SPIN1: variants seen among roughly 807,000 people sequenced by gnomAD.
SPIN1 encodes the protein spindlin-1.
A neutral mutation model predicts 26.0 loss-of-function variants in SPIN1; 3 were observed. The observed-to-expected ratio is 0.12, with a 90% CI of 0.05 to 0.30. SPIN1 has a LOEUF of 0.30. SPIN1 is among the 10% of genes least tolerant of loss of function. The pLI is 1.00. For synonymous variants in SPIN1, 101 were observed against 116.5 expected, an observed-to-expected ratio of 0.87 and a Z score of 0.86; for missense variants, 126 against 333.4, an observed-to-expected ratio of 0.38 and a Z score of 4.84.
In SPIN1 at chr9:88,448,927, C is replaced by G. The variant is rs576894397; in HGVS notation, c.53-14C>G. ...ATCTGGTTTTCATTGACTATATACTCATCTCTCTTACAGGCCATGCTGGAG... is the reference window on the plus strand; with the variant it reads ...ATCTGGTTTTCATTGACTATATACTGATCTCTCTTACAGGCCATGCTGGAG... On this transcript the variant is annotated splice_polypyrimidine_tract_variant and intron_variant, in intron 2 of 5. Transcript: ENST00000375859. The G allele has an allele frequency of 1.2e-6, 2 of 1,612,738 alleles. No individual in the cohort carries two copies. The highest frequency in any genetic ancestry group is 2.2e-5 in the South Asian group (2 of 90,972).
chr9:88,428,356 G>A (rs749933228), intron 2 of SPIN1, among the ~76,000 whole-genome samples: 26 of 152,026 alleles, frequency 1.7e-4, no homozygotes, highest in Non-Finnish European at 3.7e-4. Context: ...TAGAGTCCCC[G>A]GTGTTGATAG....
At chr9:88,417,329 T>A (rs1827587801) in intron 1 of SPIN1, among the ~76,000 whole-genome samples, 1 of 152,226 alleles carries the variant, frequency 6.6e-6, no homozygotes, top group South Asian at 2.1e-4. Context: ...ACATTATCTG[T>A]GTCTCATTTT....
intron 3 of SPIN1, chr9:88,457,786 A>G (rs1828499353): frequency 2.1e-6 from 2 of 947,014 alleles, no homozygotes. Context: ...AAGAATTACC[A>G]GAGGATGTAT....
intron 1 of SPIN1, among the ~76,000 whole-genome samples, chr9:88,403,845 A>G (rs1437991886): frequency 6.6e-6 from 1 of 152,182 alleles, no homozygotes; most frequent in Non-Finnish European, 1.5e-5. Flanking sequence ...TGTGTAGGGT[A>G]TATCCTTTTT....
At chr9:88,413,929 C>T (rs746116716) in intron 1 of SPIN1, among the ~76,000 whole-genome samples, 4 of 151,898 alleles carry the variant, frequency 2.6e-5, no homozygotes, top group Non-Finnish European at 4.4e-5. Flanking sequence ...TTATTTCTGA[C>T]CAAGTACAAA....
At position 88,407,847 on chromosome 9, in the gene SPIN1, A is replaced by G. The variant is rs369456611; in HGVS notation, c.-158-18535A>G. Among the ~76,000 whole-genome samples, 12 of 148,782 alleles carry G rather than the reference A, an allele frequency of 8.1e-5. No individual in the cohort carries two copies. The East Asian group carries it at 1.2e-3, about 15-fold the overall frequency. On this transcript the variant is annotated intron_variant, in intron 1 of 5. Coordinates refer to ENST00000375859, the MANE Select transcript of SPIN1 (RefSeq NM_006717.3). ...ATGATCTCGACTCACTGCACCCTCC[A>G]CCTCCCAGGCTCAAATGATCCTCCT...
chr9:88,461,341 A>G (rs1342724043), intron 3 of SPIN1, among the ~76,000 whole-genome samples: 2 of 152,122 alleles, frequency 1.3e-5, no homozygotes, highest in Non-Finnish European at 2.9e-5. Context: ...ATCTCCTCCC[A>G]GTCTCCTTGG....
At position 88,394,494 on chromosome 9, in the gene SPIN1, C is replaced by G. The variant is rs367778301; in HGVS notation, c.-159+5956C>G. 6.4e-4 allele frequency among the ~76,000 whole-genome samples: 97 copies of G among 152,190 alleles called. 1 individual carries two copies. Among genetic ancestry groups the G allele is most frequent in the Non-Finnish European group, 1.8e-4 (12 of 68,040 alleles). ...GGTATTTCCAGTTCGAATTTAACAT[C>G]ACAGAGTTTTTACTATGAGCTTATC... On this transcript the variant is annotated intron_variant, in intron 1 of 5. Transcript: ENST00000375859.
At chr9:88,438,023 C>T (rs879660894) in intron 2 of SPIN1, among the ~76,000 whole-genome samples, 17 of 151,778 alleles carry the variant, frequency 1.1e-4, no homozygotes, top group South Asian at 2.1e-4. Flanking sequence ...TGGTGATGCG[C>T]GCCTGTAATC....
At chr9:88,422,813 G>GA (rs1318836855) in intron 1 of SPIN1, among the ~76,000 whole-genome samples, 15 of 151,796 alleles carry the variant, frequency 9.9e-5, no homozygotes, top group Non-Finnish European at 2.1e-4. Context: ...GGGTTCAGGC[G>GA]ATTCTCCTGC....
At chr9:88,393,789 T>C (rs576768075) in intron 1 of SPIN1, among the ~76,000 whole-genome samples, 1 of 152,094 alleles carries the variant, frequency 6.6e-6, no homozygotes, top group Non-Finnish European at 1.5e-5. Flanking sequence ...TGAATTACTT[T>C]TTTCTTTCTC....
chr9:88,427,403 A>T (rs1271291014), intron 2 of SPIN1, among the ~76,000 whole-genome samples: 2 of 152,112 alleles, frequency 1.3e-5, no homozygotes, highest in African/African-American at 2.4e-5. Context: ...CTTCTCTTTT[A>T]TAAAGATAAT....
At chr9:88,428,799 G>C (rs542698325) in intron 2 of SPIN1, among the ~76,000 whole-genome samples, 2 of 152,282 alleles carry the variant, frequency 1.3e-5, no homozygotes, top group African/African-American at 4.8e-5. Context: ...TTTAGCATAA[G>C]AGTCCGTGAG....
intron 1 of SPIN1, among the ~76,000 whole-genome samples, chr9:88,416,410 CA>C (rs1331936008): frequency 2.6e-5 from 4 of 152,214 alleles, no homozygotes; most frequent in African/African-American, 4.8e-5. Context: ...TCTGCAGCAT[CA>C]AATTCTTGGG....
chr9:88,443,967 T>G (rs1828191605), intron 2 of SPIN1, among the ~76,000 whole-genome samples: 2 of 151,968 alleles, frequency 1.3e-5, no homozygotes, highest in Admixed American at 6.6e-5. Flanking sequence ...CAGTTTAGGT[T>G]TTCTTACCAT....
chr9:88,423,546 C>G (rs990683575), intron 1 of SPIN1, among the ~76,000 whole-genome samples: 1 of 151,936 alleles, frequency 6.6e-6, no homozygotes, highest in African/African-American at 2.4e-5. Context: ...TCAAGCAGTT[C>G]TCCTGCCTCA....
rs113207881 is a variant in SPIN1, at chr9:88,444,962, G to A, written c.53-3979G>A. 3.4e-3 allele frequency among the ~76,000 whole-genome samples: 524 copies of A among 152,286 alleles called. 1 individual carries two copies. Among genetic ancestry groups the A allele is most frequent in the Middle Eastern group, 0.014 (4 of 294 alleles). ...GCCCGCCTCGGCCTCCCAAAGTGCTGGGATTACAGGCGTGAGCCACGCGCC... is the reference window on the plus strand; with the variant it reads ...GCCCGCCTCGGCCTCCCAAAGTGCTAGGATTACAGGCGTGAGCCACGCGCC... On this transcript the variant is annotated intron_variant, in intron 2 of 5. Transcript: ENST00000375859.
intron 1 of SPIN1, among the ~76,000 whole-genome samples, chr9:88,411,639 T>C (rs1005070553): frequency 2.0e-5 from 3 of 151,938 alleles, no homozygotes; most frequent in South Asian, 2.1e-4. Context: ...TCAGCCTCCC[T>C]AGTAGCCGGG....
chr9:88,425,853 A>T (rs1827755232), intron 1 of SPIN1, among the ~76,000 whole-genome samples: 1 of 151,990 alleles, frequency 6.6e-6, no homozygotes. Context: ...CTTGCCCAAG[A>T]CCCTGGCCTG....
Sources: gnomAD v4.1 joint callset for allele counts (sites outside exome capture counted in the v4.1 genomes callset) on GRCh38, gnomAD v4.1.1 for gene constraint, MANE v1.5 for transcripts, NCBI Gene and HGNC (gene_info 2026-07-23, HGNC 2026-07-21) for gene names.